MBTD1: variants seen among roughly 807,000 people sequenced by gnomAD.
The protein encoded by MBTD1 is MBT domain-containing protein 1.
A neutral mutation model predicts 87.8 loss-of-function variants in MBTD1; 24 were observed. The ratio of observed to expected loss-of-function variants is 0.27; its 90% CI spans 0.20 to 0.38. MBTD1 has a LOEUF of 0.38. MBTD1 is among the 10% of genes least tolerant of loss of function. The pLI, the probability that MBTD1 is intolerant of heterozygous loss-of-function variation, is 1.00. For missense variants in MBTD1, 436 were observed against 760.2 expected (o/e 0.57, Z 5.02); for synonymous variants, 237 against 248.6 (o/e 0.95, Z 0.44).
At chr17:51,225,498 A>G (rs956700672) in intron 2 of MBTD1, among the ~76,000 whole-genome samples, 6 of 151,224 alleles carry the variant, frequency 4.0e-5, no homozygotes, top group Non-Finnish European at 8.8e-5. Context: ...ACTACAGGCA[A>G]GTGCCACCAT....
intron 16 of MBTD1, chr17:51,191,704 C>A (rs371534119): frequency 1.4e-4 from 21 of 154,584 alleles, no homozygotes; most frequent in African/African-American, 5.1e-4. Flanking sequence ...GCCTCAGCCT[C>A]CTGAGTAGCT....
chr17:51,239,900 T>C (rs1434870584), intron 2 of MBTD1, among the ~76,000 whole-genome samples: 1 of 152,202 alleles, frequency 6.6e-6, no homozygotes, highest in Non-Finnish European at 1.5e-5. Flanking sequence ...CCCAATACTT[T>C]CATCTGATCT....
At chr17:51,205,936 A>G (rs901441786) in intron 7 of MBTD1, among the ~76,000 whole-genome samples, 46 of 152,216 alleles carry the variant, frequency 3.0e-4, no homozygotes, top group African/African-American at 1.1e-3. Context: ...AATCTGTCAC[A>G]GTAGTAATTG....
chr17:51,191,928 G>T, intron 16 of MBTD1: 1 of 356,312 alleles, frequency 2.8e-6, no homozygotes. Context: ...TTAACTTTCA[G>T]TAGGTTTTAC....
chr17:51,228,874 G>C (rs573510571), intron 2 of MBTD1, among the ~76,000 whole-genome samples: 1 of 131,066 alleles, frequency 7.6e-6, no homozygotes, highest in African/African-American at 2.8e-5. Context: ...CTCCAGCCTG[G>C]GTGACAGAGT....
chr17:51,231,090 A>G (rs1443618931), intron 2 of MBTD1, among the ~76,000 whole-genome samples: 1 of 152,128 alleles, frequency 6.6e-6, no homozygotes, highest in Non-Finnish European at 1.5e-5. Flanking sequence ...GGCGCCTGCC[A>G]CCACGCCAGG....
At chr17:51,195,462 G>T in intron 12 of MBTD1, 101 bp from the exon 13 acceptor site, 1 of 916,524 alleles carries the variant, frequency 1.1e-6, no homozygotes, top group Non-Finnish European at 1.6e-6. Context: ...TTATATAAAG[G>T]TCTCTTCAAA....
At chr17:51,240,132 T>C (rs1344971297) in intron 2 of MBTD1, among the ~76,000 whole-genome samples, 3 of 152,322 alleles carry the variant, frequency 2.0e-5, no homozygotes, top group African/African-American at 7.2e-5. Context: ...CAAAAGTCTT[T>C]TTTTCTTAAA....
rs1598320870 is a variant in MBTD1, at chr17:51,202,197, C to A, written c.1064-120G>T. 42 of 670,002 alleles carry A rather than the reference C, an allele frequency of 6.3e-5. No homozygotes were observed. In the East Asian group the frequency reaches 1.1e-3, roughly 17 times the overall value. 41.5% of individuals were successfully genotyped at this position (670,002 alleles called of 1,614,324 possible). A position where few individuals can be genotyped will look rare whatever the true frequency, so the allele number is the denominator to read the frequency against. ...CTATAAAACATGGCAAGAAGACATG[C>A]CTTCTACATTTGGGGTGAATATTCT... On this transcript the variant is annotated intron_variant, in intron 10 of 16. Coordinates refer to ENST00000586178, the MANE Select transcript of MBTD1 (RefSeq NM_017643.3).
chr17:51,230,288 T>C (rs959132093), intron 2 of MBTD1, among the ~76,000 whole-genome samples: 1 of 152,206 alleles, frequency 6.6e-6, no homozygotes, highest in African/African-American at 2.4e-5. Flanking sequence ...TGTGGTGTTA[T>C]GAACACAGAA....
chr17:51,199,120 CAG>C (rs2145166711), intron 12 of MBTD1, among the ~76,000 whole-genome samples: 1 of 151,896 alleles, frequency 6.6e-6, no homozygotes, highest in Admixed American at 6.6e-5. Flanking sequence ...TTTTTTGAGA[CAG>C]AGTTTTGCTC....
At chr17:51,202,557 A>T (rs2051552454) in intron 10 of MBTD1, 144 bp downstream of exon 10, 1 of 654,220 alleles carries the variant, frequency 1.5e-6, no homozygotes, top group South Asian at 1.9e-5. Context: ...TATGGTGTGA[A>T]CCTTCACTAA....
intron 2 of MBTD1, chr17:51,250,160 C>T (rs2054693271): frequency 6.6e-6 from 1 of 152,018 alleles, no homozygotes; most frequent in African/African-American, 2.4e-5. Flanking sequence ...CCACCTAAGC[C>T]TCCCAAAGTG....
chr17:51,229,386 C>A (rs533984329), intron 2 of MBTD1, among the ~76,000 whole-genome samples: 46 of 151,880 alleles, frequency 3.0e-4, no homozygotes, highest in Non-Finnish European at 5.6e-4. Context: ...TAAATGACCA[C>A]AAAACAAAGC....
intron 3 of MBTD1, among the ~76,000 whole-genome samples, chr17:51,220,920 T>C (rs1024818768): frequency 6.6e-6 from 1 of 152,220 alleles, no homozygotes; most frequent in South Asian, 2.1e-4. Flanking sequence ...AAAGAGGTAA[T>C]ACTTGGAAAA....
intron 1 of MBTD1, among the ~76,000 whole-genome samples, chr17:51,259,505 GAA>G (rs746172837): frequency 3.9e-5 from 6 of 152,168 alleles, no homozygotes; most frequent in Non-Finnish European, 7.4e-5. Flanking sequence ...GCTAAAAAAG[GAA>G]AAGTCTCGGA....
chr17:51,224,047 G>C (rs919745512), intron 3 of MBTD1, among the ~76,000 whole-genome samples: 2 of 152,204 alleles, frequency 1.3e-5, no homozygotes, highest in African/African-American at 4.8e-5. Context: ...GGCATGAATG[G>C]AAACAGTGCC....
chr17:51,187,879 A>T (rs1401488814), intron 16 of MBTD1, among the ~76,000 whole-genome samples: 1 of 151,754 alleles, frequency 6.6e-6, no homozygotes, highest in Admixed American at 6.6e-5. Context: ...AAAAAAAAAA[A>T]AAGCAAAGGG....
intron 5 of MBTD1, 40 bp from the exon 6 acceptor site, chr17:51,217,456 T>C (rs1164689295): frequency 4.6e-5 from 44 of 963,886 alleles, no homozygotes; most frequent in Non-Finnish European, 6.5e-5. Flanking sequence ...AATTCTCAAA[T>C]CTTTTATTTA....
Sources: gnomAD v4.1 joint callset for allele counts (sites outside exome capture counted in the v4.1 genomes callset) on GRCh38, gnomAD v4.1.1 for gene constraint, MANE v1.5 for transcripts, NCBI Gene and HGNC (gene_info 2026-07-23, HGNC 2026-07-21) for gene names.